Variants in ZNF385D observed in about 807,000 individuals in gnomAD.
The protein encoded by ZNF385D is zinc finger protein 385D.
ZNF385D carries 15 observed loss-of-function variants against 35.8 expected under a neutral mutation model. The ratio of observed to expected loss-of-function variants is 0.42; its 90% CI spans 0.28 to 0.64. The LOEUF (loss-of-function observed/expected upper bound fraction) is 0.64. Ranked by LOEUF, ZNF385D falls within the 30% of genes least tolerant of loss-of-function variation. ZNF385D has a pLI of 0.23. For synonymous variants in ZNF385D, 212 were observed against 186.8 expected, an observed-to-expected ratio of 1.13 and a Z score of -1.10; for missense variants, 474 against 494.6, an observed-to-expected ratio of 0.96 and a Z score of 0.39.
intron 3 of ZNF385D, among the ~76,000 whole-genome samples, chr3:21,973,710 T>A (rs181383279): frequency 1.2e-4 from 18 of 152,116 alleles, no homozygotes; most frequent in Non-Finnish European, 2.4e-4. Context: ...CTAGAACTGA[T>A]AAACAAATTC....
At chr3:21,597,305 T>C (rs2064154060) in intron 2 of ZNF385D, among the ~76,000 whole-genome samples, 1 of 151,794 alleles carries the variant, frequency 6.6e-6, no homozygotes, top group South Asian at 2.1e-4. Flanking sequence ...ATTTATTAAA[T>C]AGAATAAGCA....
chr3:21,636,378 T>TTATATATATATGATTATA (rs1553627917), intron 2 of ZNF385D, among the ~76,000 whole-genome samples: 5 of 47,990 alleles, frequency 1.0e-4, no homozygotes, highest in Admixed American at 3.3e-4. Context: ...ATATATATGA[T>TTATATATATATGATTATA]TATATATATA....
intron 3 of ZNF385D, among the ~76,000 whole-genome samples, chr3:21,922,762 T>C (rs1239171859): frequency 1.3e-5 from 2 of 152,012 alleles, no homozygotes; most frequent in African/African-American, 4.8e-5. Flanking sequence ...CAAAAACAAT[T>C]ACAGGAAGAA....
At chr3:22,019,609 C>A (rs1697106701) in intron 3 of ZNF385D, among the ~76,000 whole-genome samples, 1 of 151,886 alleles carries the variant, frequency 6.6e-6, no homozygotes, top group Non-Finnish European at 1.5e-5. Context: ...TTCCTATTTT[C>A]ATTGCAATAA....
intron 2 of ZNF385D, among the ~76,000 whole-genome samples, chr3:21,659,368 C>T (rs979402183): frequency 3.9e-5 from 6 of 152,062 alleles, no homozygotes; most frequent in East Asian, 3.9e-4. Context: ...AAATGAAATA[C>T]GCATCTATGT....
intron 1 of ZNF385D, among the ~76,000 whole-genome samples, chr3:21,676,063 C>T (rs2066714287): frequency 6.6e-6 from 1 of 152,028 alleles, no homozygotes; most frequent in South Asian, 2.1e-4. Context: ...TCCTAGGAAA[C>T]CTAACTGTTG....
chr3:22,076,049 C>T (rs1285310988), intron 3 of ZNF385D, among the ~76,000 whole-genome samples: 1 of 151,886 alleles, frequency 6.6e-6, no homozygotes, highest in Non-Finnish European at 1.5e-5. Flanking sequence ...CCCCCATTAC[C>T]AACTGAGTCT....
chr3:21,766,099 T>C (rs150196405), intron 3 of ZNF385D, among the ~76,000 whole-genome samples: 19 of 152,160 alleles, frequency 1.2e-4, no homozygotes, highest in African/African-American at 4.3e-4. Flanking sequence ...ACTGGGAGAA[T>C]CCAGGGCATT....
intron 2 of ZNF385D, among the ~76,000 whole-genome samples, chr3:21,614,587 T>C (rs1414745029): frequency 6.6e-6 from 1 of 151,944 alleles, no homozygotes; most frequent in East Asian, 1.9e-4. Context: ...GAAGTACAGA[T>C]TTTTTGTTTG....
chr3:21,749,032 G>C (rs926768782), intron 1 of ZNF385D, among the ~76,000 whole-genome samples: 9 of 152,144 alleles, frequency 5.9e-5, no homozygotes, highest in African/African-American at 2.2e-4. Context: ...GAATACATAG[G>C]ATTTCCTCTG....
chr3:21,860,639 A>T (rs11713712), intron 3 of ZNF385D, among the ~76,000 whole-genome samples: 10,658 of 152,212 alleles, frequency 0.07, 552 homozygotes, highest in East Asian at 0.2. Context: ...TAGCATGTCC[A>T]TTGTCAGGTT....
At chr3:21,829,238 G>C (rs550148963) in intron 3 of ZNF385D, among the ~76,000 whole-genome samples, 10 of 152,254 alleles carry the variant, frequency 6.6e-5, no homozygotes, top group African/African-American at 2.4e-4. Flanking sequence ...AAGGGCAAAG[G>C]AGAGTGAGTA....
chr3:21,681,441 A>C (rs1021928171), intron 1 of ZNF385D, among the ~76,000 whole-genome samples: 8 of 151,622 alleles, frequency 5.3e-5, no homozygotes, highest in Admixed American at 4.6e-4. Context: ...TGATTATTTC[A>C]GTAATGAGAT....
At chr3:22,372,068 T>TCCTTA (rs1295995119) in intron 2 of ZNF385D, among the ~76,000 whole-genome samples, 1 of 151,964 alleles carries the variant, frequency 6.6e-6, no homozygotes, top group Non-Finnish European at 1.5e-5. Flanking sequence ...CAGCAGGACG[T>TCCTTA]CCTTACCGGG....
intron 1 of ZNF385D, among the ~76,000 whole-genome samples, chr3:21,698,397 GAACACA>G (rs74650003): frequency 0.56 from 84,628 of 151,316 alleles, 24,751 homozygotes; most frequent in Non-Finnish European, 0.65. Flanking sequence ...GCTAAACAAT[GAACACA>G]AATACAAAGT....
chr3:21,786,267 G>A (rs1234217305), intron 3 of ZNF385D, among the ~76,000 whole-genome samples: 1 of 152,076 alleles, frequency 6.6e-6, no homozygotes, highest in Non-Finnish European at 1.5e-5. Flanking sequence ...GAAAAGACAG[G>A]TCACTGTGTC....
chr3:22,162,580 T>G (rs1706032875), intron 3 of ZNF385D, among the ~76,000 whole-genome samples: 1 of 152,176 alleles, frequency 6.6e-6, no homozygotes, highest in South Asian at 2.1e-4. Flanking sequence ...CAGCCCTACC[T>G]GCCATGCTTT....
At chr3:21,469,471 G>T (rs173027) in intron 4 of ZNF385D, among the ~76,000 whole-genome samples, 30,540 of 151,986 alleles carry the variant, frequency 0.2, 3,652 homozygotes, top group Non-Finnish European at 0.28. Flanking sequence ...CTTTTAAAAA[G>T]CTTATTCAAA....
chr3:21,739,255 A>G (rs2069390020), intron 1 of ZNF385D, among the ~76,000 whole-genome samples: 2 of 152,188 alleles, frequency 1.3e-5, no homozygotes, highest in Non-Finnish European at 2.9e-5. Context: ...CTCCATAAAC[A>G]TTTACGAATC....
Sources: gnomAD v4.1 joint callset for allele counts (sites outside exome capture counted in the v4.1 genomes callset) on GRCh38, gnomAD v4.1.1 for gene constraint, MANE v1.5 for transcripts, NCBI Gene and HGNC (gene_info 2026-07-23, HGNC 2026-07-21) for gene names.